SLC38A1: variants seen among roughly 807,000 people sequenced by gnomAD.
The protein encoded by SLC38A1 is sodium-coupled neutral amino acid symporter 1.
Under a neutral mutation model 60.3 loss-of-function variants are expected in SLC38A1, and 18 were observed. The observed-to-expected ratio is 0.30, with a 90% CI of 0.21 to 0.44. The LOEUF is 0.44. Among genes scored for constraint, SLC38A1 ranks in the 20% least tolerant of loss-of-function variants. The probability of loss-of-function intolerance (pLI) is 1.00; values close to 1 mark genes in which losing one functional copy is unlikely to be tolerated. For missense variants in SLC38A1, 448 were observed against 587.2 expected (o/e 0.76, Z 2.45); for synonymous variants, 196 against 212.1 (o/e 0.92, Z 0.66).
At chr12:46,243,107 G>A (rs1360659145) in intron 2 of SLC38A1, 93 bp downstream of exon 2, 2 of 151,132 alleles carry the variant, frequency 1.3e-5, no homozygotes, top group African/African-American at 4.8e-5. Context: ...AAAAATAAAT[G>A]AATTAATTAA....
At chr12:46,200,094 A>T (rs944907106) in intron 13 of SLC38A1, among the ~76,000 whole-genome samples, 1 of 152,194 alleles carries the variant, frequency 6.6e-6, no homozygotes, top group Admixed American at 6.5e-5. Flanking sequence ...ACTTCAACTA[A>T]CATTAAGTTC....
intron 5 of SLC38A1, among the ~76,000 whole-genome samples, chr12:46,213,862 A>G (rs1275596511): frequency 6.6e-6 from 1 of 152,236 alleles, no homozygotes; most frequent in Non-Finnish European, 1.5e-5. Context: ...TACCTTCAAC[A>G]TCAAACACAC....
chr12:46,211,262 G>A (rs779893759), intron 5 of SLC38A1, among the ~76,000 whole-genome samples: 2 of 152,152 alleles, frequency 1.3e-5, no homozygotes, highest in Non-Finnish European at 2.9e-5. Flanking sequence ...ATCTTAGGAT[G>A]AGCCAGATGC....
Position 46,239,855 on chromosome 12 carries a change from G to A in SLC38A1, c.-55C>T. 3 of 1,580,408 alleles carry A rather than the reference G, an allele frequency of 1.9e-6. No homozygotes were observed. In the Admixed American group the frequency reaches 5.1e-5, roughly 27 times the overall value. On this transcript the variant is annotated 5_prime_UTR_variant, in exon 3 of 17. Transcript: ENST00000398637. ...AGTCCAAATTTCTCCTGTTCTGAGT[G>A]TATTTAGAAGTAGATACCAAAATGG...
At chr12:46,203,206 T>A in intron 11 of SLC38A1, 117 bp from the exon 12 acceptor site, 1 of 848,654 alleles carries the variant, frequency 1.2e-6, no homozygotes, top group East Asian at 2.6e-5. Context: ...CCTGGATTAT[T>A]CGGTTATTAG....
chr12:46,264,566 G>T (rs1942295297), intron 1 of SLC38A1, among the ~76,000 whole-genome samples: 1 of 151,934 alleles, frequency 6.6e-6, no homozygotes, highest in African/African-American at 2.4e-5. Context: ...TAAATCTAGG[G>T]TCAGTGTCTT....
In SLC38A1 at chr12:46,188,706, T is replaced by C. The variant is rs944450545; in HGVS notation, c.*264A>G. ...AACATAGAGTTAGATGGGTAAAAAATGATTGTGAAAAGTACTGGGAAATAT... is the reference window on the plus strand; with the variant it reads ...AACATAGAGTTAGATGGGTAAAAAACGATTGTGAAAAGTACTGGGAAATAT... On this transcript the variant is annotated 3_prime_UTR_variant, in exon 17 of 17. Coordinates refer to ENST00000398637, the MANE Select transcript of SLC38A1 (RefSeq NM_030674.4). 2 of 321,686 alleles carry C rather than the reference T, an allele frequency of 6.2e-6. No homozygotes were observed. The highest frequency in any genetic ancestry group is 1.2e-5 in the Non-Finnish European group (2 of 173,130). The allele number at this position is 321,686 out of a possible 1,614,324, so 19.9% of individuals were successfully genotyped here.
At chr12:46,244,967 A>G (rs1028359150) in intron 1 of SLC38A1, among the ~76,000 whole-genome samples, 2 of 152,228 alleles carry the variant, frequency 1.3e-5, no homozygotes, top group African/African-American at 4.8e-5. Flanking sequence ...ACCAACTTCA[A>G]TTATCAATTC....
intron 1 of SLC38A1, among the ~76,000 whole-genome samples, chr12:46,264,970 T>G (rs1003738770): frequency 6.6e-6 from 1 of 152,172 alleles, no homozygotes; most frequent in African/African-American, 2.4e-5. Context: ...AAGATATATT[T>G]TCAGAAAAGT....
At chr12:46,249,155 C>CAAAA (rs59948188) in intron 1 of SLC38A1, among the ~76,000 whole-genome samples, 14 of 46,502 alleles carry the variant, frequency 3.0e-4, no homozygotes, top group Admixed American at 9.1e-4. Flanking sequence ...GACTCCGCCT[C>CAAAA]AAAAAAAAAA....
chr12:46,232,220 GA>G (rs1487074416), intron 3 of SLC38A1, among the ~76,000 whole-genome samples: 2 of 152,168 alleles, frequency 1.3e-5, no homozygotes, highest in Non-Finnish European at 2.9e-5. Context: ...TTGGTCTCTT[GA>G]AACACAAGAG....
intron 3 of SLC38A1, among the ~76,000 whole-genome samples, chr12:46,234,670 A>G (rs947474565): frequency 6.6e-6 from 1 of 151,800 alleles, no homozygotes; most frequent in Non-Finnish European, 1.5e-5. Context: ...GATGGTATCG[A>G]TCTCCTGACC....
intron 16 of SLC38A1, chr12:46,195,741 C>T (rs976726010): frequency 1.5e-5 from 3 of 197,210 alleles, no homozygotes; most frequent in Non-Finnish European, 2.1e-5. Flanking sequence ...GCTCCGTTGG[C>T]ATGGAACCCA....
At chr12:46,224,306 C>T (rs1193819722) in intron 5 of SLC38A1, among the ~76,000 whole-genome samples, 1 of 152,082 alleles carries the variant, frequency 6.6e-6, no homozygotes, top group African/African-American at 2.4e-5. Flanking sequence ...AGAGTGCCCA[C>T]CAGCATCCTC....
chr12:46,209,094 T>C lies in SLC38A1; in HGVS notation c.348A>G (p.Ile116Met), dbSNP rs1244286724. The C allele has an allele frequency of 1.2e-6, 2 of 1,611,896 alleles. No homozygotes were observed. Among genetic ancestry groups the C allele is most frequent in the South Asian group, 1.1e-5 (1 of 90,834 alleles). Reference sequence around the variant, plus strand: ...AGATCAATAGGAGGTTTATTGAATATATAGACAGCAATGTCACTGAAGTCA... The same window carrying C: ...AGATCAATAGGAGGTTTATTGAATACATAGACAGCAATGTCACTGAAGTCA... ...VLLTSVTLLS[I>M]YSINLLLICS... Residue 116 changes from isoleucine to methionine, a missense_variant, in exon 6 of 17, where the codon ATA becomes ATG. Ile to Met is a conservative substitution (Grantham distance 10, BLOSUM62 1). Around this residue, in one of 2 missense-constraint regions of SLC38A1, gnomAD observed 346 missense variants for 497.5 expected, o/e 0.70. Coordinates refer to ENST00000398637, the MANE Select transcript of SLC38A1 (RefSeq NM_030674.4).
intron 5 of SLC38A1, among the ~76,000 whole-genome samples, chr12:46,219,838 T>C (rs921000646): frequency 6.6e-6 from 1 of 152,202 alleles, no homozygotes; most frequent in Non-Finnish European, 1.5e-5. Flanking sequence ...AAAAATACAC[T>C]GTACCAAAAC....
chr12:46,252,323 A>C (rs939167746), intron 1 of SLC38A1, among the ~76,000 whole-genome samples: 1 of 151,884 alleles, frequency 6.6e-6, no homozygotes, highest in African/African-American at 2.4e-5. Context: ...AACATCACAC[A>C]CCGGGGCCTG....
At chr12:46,206,316 C>T (rs1939898322) in intron 8 of SLC38A1, among the ~76,000 whole-genome samples, 154 bp from the exon 9 acceptor site, 1 of 151,682 alleles carries the variant, frequency 6.6e-6, no homozygotes, top group African/African-American at 2.4e-5. Context: ...TATCCAAACA[C>T]TTTAACCCAG....
intron 16 of SLC38A1, among the ~76,000 whole-genome samples, chr12:46,191,991 G>A (rs1939164935): frequency 1.3e-5 from 2 of 152,126 alleles, no homozygotes; most frequent in East Asian, 1.9e-4. Context: ...GGTGAAAGAG[G>A]GCATCCTTGT....
Sources: allele counts gnomAD v4.1 joint callset (sites outside exome capture counted in the v4.1 genomes callset), GRCh38; gene constraint gnomAD v4.1.1; regional missense constraint gnomAD v4.1.1; transcripts MANE v1.5; gene names NCBI Gene and HGNC (gene_info 2026-07-23, HGNC 2026-07-21).